The following PADI6 variants were observed in gnomAD, a reference collection of about 807,000 sequenced individuals.
PADI6 encodes inactive protein-arginine deiminase type-6.
Under a neutral mutation model 78.2 loss-of-function variants are expected in PADI6, and 66 were observed. The observed-to-expected ratio is 0.84, with a 90% CI of 0.69 to 1.04. PADI6 has a LOEUF of 1.04. Ranked by LOEUF, PADI6 falls within the 50% of genes least tolerant of loss-of-function variation. PADI6 has a pLI of 0.00. For synonymous variants in PADI6, 397 were observed against 346.9 expected, an observed-to-expected ratio of 1.14 and a Z score of -1.60; for missense variants, 854 against 866.1, an observed-to-expected ratio of 0.99 and a Z score of 0.18.
rs766307157 is a variant in PADI6 at position 17,388,808 on chromosome 1, C to T, written c.890C>T (p.Thr297Met). The T allele has an allele frequency of 1.8e-5, 29 of 1,613,668 alleles. No homozygotes were observed. The highest frequency in any genetic ancestry group is 2.2e-5 in the East Asian group (1 of 44,894). ...CCAGAGACTGTGCTGTACAAAGACACGGTGGTGTTCCGGGTGGCTCCCTGT... is the reference window on the plus strand; with the variant it reads ...CCAGAGACTGTGCTGTACAAAGACATGGTGGTGTTCCGGGTGGCTCCCTGT... ...SIPETVLYKD[T>M]VVFRVAPCVF... Residue 297 changes from threonine (T) to methionine (M), a missense_variant, in exon 8 of 16, where the codon ACG becomes ATG. Physicochemically the swap from Thr to Met is moderately conservative, Grantham distance 81 (BLOSUM62 -1). Transcript: ENST00000619609.
intron 9 of PADI6, among the ~76,000 whole-genome samples, chr1:17,393,019 G>A (rs553939233): frequency 3.1e-4 from 47 of 152,214 alleles, no homozygotes; most frequent in Admixed American, 5.9e-4. Context: ...GGTGGCGCGC[G>A]CCTGTAGTCC....
intron 8 of PADI6, among the ~76,000 whole-genome samples, chr1:17,389,115 C>T (rs1242028196): frequency 2.6e-5 from 4 of 152,172 alleles, no homozygotes; most frequent in South Asian, 2.1e-4. Context: ...GAGGGCCAAA[C>T]GGCATGGTTT....
intron 14 of PADI6, among the ~76,000 whole-genome samples, chr1:17,398,046 T>A (rs1285883668): frequency 6.6e-6 from 1 of 152,008 alleles, no homozygotes; most frequent in Non-Finnish European, 1.5e-5. Flanking sequence ...AGAAGCAGAG[T>A]CTCCCCAACT....
At chr1:17,390,641 G>T (rs111484645) in intron 8 of PADI6, among the ~76,000 whole-genome samples, 3 of 151,854 alleles carry the variant, frequency 2.0e-5, no homozygotes, top group East Asian at 1.9e-4. Context: ...TCCAGGCTCC[G>T]TGGGTGTAGA....
chr1:17,382,205 C>A, intron 6 of PADI6, 113 bp downstream of exon 6: 1 of 1,331,058 alleles, frequency 7.5e-7, no homozygotes, highest in Non-Finnish European at 1.0e-6. Context: ...AGACCTAGAG[C>A]TGCAGATGAG....
In PADI6 at chr1:17,396,301, G is replaced by A. The variant is rs201643097; in HGVS notation, c.1618+638G>A. On this transcript the variant is annotated intron_variant, in intron 13 of 15. Transcript: ENST00000619609. Reference sequence around the variant, plus strand: ...CTCGGGAGGCTGAGGCAGGGGAATCGCTTTAACCTGGGAGGTGGAGGTTGC... The same window carrying A: ...CTCGGGAGGCTGAGGCAGGGGAATCACTTTAACCTGGGAGGTGGAGGTTGC... Among the ~76,000 whole-genome samples the A allele has an allele frequency of 1.5e-4, 23 of 152,328 alleles. No individual in the cohort carries two copies. In the East Asian group the frequency reaches 4.0e-3, roughly 27 times the overall value.
chr1:17,388,670 C>T, intron 7 of PADI6, 107 bp from the exon 8 acceptor site: 1 of 1,454,928 alleles, frequency 6.9e-7, no homozygotes, highest in South Asian at 1.3e-5. Context: ...CTGCAGAAGG[C>T]AAGTGGGGCC....
chr1:17,381,800 C>T (rs753042161), intron 5 of PADI6, among the ~76,000 whole-genome samples, 167 bp from the exon 6 acceptor site: 78 of 152,160 alleles, frequency 5.1e-4, no homozygotes, highest in Non-Finnish European at 9.6e-4. Flanking sequence ...CTGTAGCCAC[C>T]TAGAACAAGC....
intron 12 of PADI6, 110 bp downstream of exon 12, chr1:17,395,217 T>C (rs2075234656): frequency 1.5e-6 from 2 of 1,367,330 alleles, no homozygotes; most frequent in Admixed American, 2.5e-5. Context: ...TTTTTTTTGT[T>C]TGTTTTTTGA....
At chr1:17,378,396 T>C (rs1379525748) in intron 3 of PADI6, among the ~76,000 whole-genome samples, 1 of 152,152 alleles carries the variant, frequency 6.6e-6, no homozygotes, top group Non-Finnish European at 1.5e-5. Context: ...GTGCTGATGA[T>C]GTAACAGCAA....
At chr1:17,374,053 C>T (rs1196722956) in intron 2 of PADI6, among the ~76,000 whole-genome samples, 4 of 152,026 alleles carry the variant, frequency 2.6e-5, no homozygotes, top group African/African-American at 7.3e-5. Context: ...ATACCCAGGC[C>T]ACACCCCCTC....
chr1:17,388,287 A>G, intron 6 of PADI6, 94 bp from the exon 7 acceptor site: 1 of 1,199,132 alleles, frequency 8.3e-7, no homozygotes, highest in Non-Finnish European at 1.1e-6. Context: ...ACAGCCTTGC[A>G]TCTGATATGA....
rs1196981300 is a variant in PADI6, at chr1:17,401,294, T to C, written c.1941T>C (p.Ile647=). ...IKGTCCLEEK[I]CCLLEPLGFK... ...GGACCTGCTGCCTGGAAGAAAAGAT[T>C]TGCTGCTTGCTGGAGCCCCTGGGCT... The change falls in exon 16 of 16, where the codon ATT becomes ATC. Residue 647 remains isoleucine (I), a synonymous_variant. Coordinates refer to ENST00000619609, the MANE Select transcript of PADI6 (RefSeq NM_207421.4). 3.1e-6 allele frequency: 5 copies of C among 1,614,068 alleles called. No homozygotes were observed. In the South Asian group the frequency reaches 5.5e-5, roughly 18 times the overall value.
chr1:17,373,286 A>G (rs1478478194), intron 2 of PADI6, 53 bp downstream of exon 2: 39 of 1,586,934 alleles, frequency 2.5e-5, no homozygotes, highest in African/African-American at 1.3e-5. Context: ...GACCTAGCAC[A>G]GCCACTGGGG....
At chr1:17,393,844 TATCTG>T (rs2075216752) in intron 9 of PADI6, 126 bp from the exon 10 acceptor site, 1 of 738,128 alleles carries the variant, frequency 1.4e-6, no homozygotes, top group Admixed American at 2.1e-5. Flanking sequence ...GAAGGGGTGA[TATCTG>T]AGCTGGGTGT....
chr1:17,379,994 C>A lies in PADI6; in HGVS notation c.435+7C>A. 6.2e-7 allele frequency: 1 copy of A among 1,613,258 alleles called. No homozygotes were observed. The highest frequency in any genetic ancestry group is 1.1e-5 in the South Asian group (1 of 91,032). On this transcript the variant is annotated splice_region_variant and intron_variant, in intron 4 of 15. Coordinates refer to ENST00000619609, the MANE Select transcript of PADI6 (RefSeq NM_207421.4). ...AAGTGACAAACAGGCTAAGGTGAGTCTGCCAGCAAAAGGGGGCAGGGAAGG... is the reference window on the plus strand; with the variant it reads ...AAGTGACAAACAGGCTAAGGTGAGTATGCCAGCAAAAGGGGGCAGGGAAGG...
At chr1:17,377,896 C>G (rs893824257) in intron 3 of PADI6, among the ~76,000 whole-genome samples, 2 of 152,192 alleles carry the variant, frequency 1.3e-5, no homozygotes, top group African/African-American at 4.8e-5. Flanking sequence ...CGCCTTCCAA[C>G]TGCTTCCACG....
chr1:17,392,018 G>A (rs2075189809), intron 8 of PADI6, 96 bp from the exon 9 acceptor site: 2 of 1,034,634 alleles, frequency 1.9e-6, no homozygotes, highest in South Asian at 3.0e-5. Context: ...CTCTCCTGGT[G>A]AGAAGGATGT....
intron 6 of PADI6, among the ~76,000 whole-genome samples, chr1:17,384,688 G>A (rs898044104): frequency 2.6e-5 from 4 of 152,198 alleles, no homozygotes; most frequent in South Asian, 2.1e-4. Context: ...GCAGTGAGCC[G>A]ACATTGCACC....
Sources: gnomAD v4.1 joint callset for allele counts (sites outside exome capture counted in the v4.1 genomes callset) on GRCh38, gnomAD v4.1.1 for gene constraint, MANE v1.5 for transcripts, NCBI Gene and HGNC (gene_info 2026-07-23, HGNC 2026-07-21) for gene names.